GBE1: variants seen among roughly 807,000 people sequenced by gnomAD.
The protein encoded by GBE1 is 1,4-alpha-glucan branching enzyme 1.
A neutral mutation model predicts 88.8 loss-of-function variants in GBE1; 70 were observed. The ratio of observed to expected loss-of-function variants is 0.79; its 90% CI spans 0.65 to 0.96. GBE1 has a LOEUF of 0.96. Ranked by LOEUF, GBE1 falls within the 40% of genes least tolerant of loss-of-function variation. The pLI is 0.00. For missense variants in GBE1, 872 were observed against 871.0 expected, an observed-to-expected ratio of 1.00 and a Z score of -0.01; for synonymous variants, 284 against 300.1, an observed-to-expected ratio of 0.95 and a Z score of 0.56.
intron 3 of GBE1, among the ~76,000 whole-genome samples, chr3:81,665,980 C>G (rs1364300990): frequency 8.9e-6 from 1 of 112,440 alleles, no homozygotes; most frequent in African/African-American, 4.4e-5. Flanking sequence ...CATTTTATTT[C>G]TTTTTATAGT....
intron 2 of GBE1, among the ~76,000 whole-genome samples, chr3:81,686,013 A>G (rs1705432820): frequency 6.6e-6 from 1 of 152,076 alleles, no homozygotes; most frequent in Admixed American, 6.6e-5. Context: ...AGTGGCATGC[A>G]TTTTCACTGG....
intron 12 of GBE1, among the ~76,000 whole-genome samples, chr3:81,577,038 C>G (rs1703657530): frequency 6.6e-6 from 1 of 152,036 alleles, no homozygotes; most frequent in African/African-American, 2.4e-5. Flanking sequence ...CTCCTGGGCT[C>G]AAACAGTCCC....
intron 7 of GBE1, among the ~76,000 whole-genome samples, chr3:81,625,639 G>C (rs576445746): frequency 4.6e-5 from 7 of 151,998 alleles, no homozygotes; most frequent in African/African-American, 1.7e-4. Flanking sequence ...AAAGGGTTTC[G>C]CTATGTTACC....
chr3:81,565,938 A>C (rs1703488903), intron 12 of GBE1, among the ~76,000 whole-genome samples: 1 of 152,202 alleles, frequency 6.6e-6, no homozygotes, highest in Non-Finnish European at 1.5e-5. Context: ...AATATAAGAA[A>C]GGCAGAAAGG....
chr3:81,654,079 C>A (rs1016938094), intron 3 of GBE1, among the ~76,000 whole-genome samples: 1 of 151,812 alleles, frequency 6.6e-6, no homozygotes, highest in Non-Finnish European at 1.5e-5. Flanking sequence ...GAAAATAATA[C>A]CATAATAATA....
At chr3:81,544,033 T>G (rs1261116090) in intron 12 of GBE1, among the ~76,000 whole-genome samples, 2 of 152,174 alleles carry the variant, frequency 1.3e-5, no homozygotes, top group Admixed American at 1.3e-4. Flanking sequence ...ACATGCATTT[T>G]TCAGAGGAGA....
In GBE1 at chr3:81,643,196, G is replaced by A. The variant is rs531030917; in HGVS notation, c.783-206C>T. ...ATCAAGTTAGAAAATAATTTAAATC[G>A]GGTTATTAAATGTAGATTTATACCC... On this transcript the variant is annotated intron_variant, in intron 6 of 15. Transcript: ENST00000429644. Among the ~76,000 whole-genome samples, 10 of 151,754 alleles carry A rather than the reference G, an allele frequency of 6.6e-5. No homozygotes were observed. The South Asian group carries it at 1.7e-3, about 25-fold the overall frequency.
chr3:81,523,063 C>G (rs1702895511), intron 14 of GBE1, among the ~76,000 whole-genome samples: 1 of 151,138 alleles, frequency 6.6e-6, no homozygotes, highest in Non-Finnish European at 1.5e-5. Context: ...AAAACCGAAC[C>G]AGGCTTTCAT....
intron 7 of GBE1, among the ~76,000 whole-genome samples, chr3:81,615,982 C>T (rs1233024757): frequency 1.3e-5 from 2 of 152,100 alleles, no homozygotes; most frequent in Non-Finnish European, 2.9e-5. Flanking sequence ...GTAGTGATAT[C>T]TCATTGTAGT....
At chr3:81,619,267 A>C (rs1704292491) in intron 7 of GBE1, among the ~76,000 whole-genome samples, 1 of 152,132 alleles carries the variant, frequency 6.6e-6, no homozygotes, top group Non-Finnish European at 1.5e-5. Flanking sequence ...GTCTTTATGA[A>C]CTTGATCCAA....
At chr3:81,679,510 C>A (rs566063451) in intron 2 of GBE1, among the ~76,000 whole-genome samples, 1 of 152,150 alleles carries the variant, frequency 6.6e-6, no homozygotes, top group East Asian at 1.9e-4. Context: ...TTCAGTGCAT[C>A]TAGAATTGTA....
intron 3 of GBE1, among the ~76,000 whole-genome samples, chr3:81,670,230 T>C (rs1199295423): frequency 6.6e-6 from 1 of 152,146 alleles, no homozygotes; most frequent in Admixed American, 6.6e-5. Context: ...CTGCAGACCT[T>C]GAATGCAAAA....
intron 1 of GBE1, among the ~76,000 whole-genome samples, chr3:81,727,388 A>G (rs1217172860): frequency 6.6e-6 from 1 of 152,228 alleles, no homozygotes; most frequent in African/African-American, 2.4e-5. Flanking sequence ...CCTACAGATG[A>G]GAATTTGACC....
chr3:81,519,613 T>G (rs191793248), intron 14 of GBE1, among the ~76,000 whole-genome samples: 235 of 151,454 alleles, frequency 1.6e-3, no homozygotes, highest in Non-Finnish European at 2.7e-3. Context: ...TTGTATATCA[T>G]GTATTAACTT....
Position 81,490,352 on chromosome 3 carries a change from A to G in GBE1, c.*55T>C. On this transcript the variant is annotated 3_prime_UTR_variant, in exon 16 of 16. Transcript: ENST00000429644. ...ACATGTTATAAGCTGTGTGACAGTG[A>G]TAACAAGAAAACAAAACACAAATCT... 2 of 1,378,298 alleles carry G rather than the reference A, an allele frequency of 1.5e-6. No individual in the cohort carries two copies. Among genetic ancestry groups the G allele is most frequent in the South Asian group, 2.3e-5 (2 of 86,172 alleles). 85.4% of individuals were successfully genotyped at this position (1,378,298 alleles called of 1,614,324 possible).
At chr3:81,749,056 T>C (rs576539183) in intron 1 of GBE1, among the ~76,000 whole-genome samples, 2 of 151,578 alleles carry the variant, frequency 1.3e-5, no homozygotes, top group Admixed American at 1.3e-4. Flanking sequence ...TGGAAATTCC[T>C]TATAAAACAA....
At chr3:81,690,949 T>C (rs1046352289) in intron 2 of GBE1, among the ~76,000 whole-genome samples, 1 of 152,034 alleles carries the variant, frequency 6.6e-6, no homozygotes, top group Non-Finnish European at 1.5e-5. Context: ...ACAGTGAACA[T>C]ACTAGATTTT....
At chr3:81,701,143 C>G (rs1193396257) in intron 2 of GBE1, among the ~76,000 whole-genome samples, 2 of 152,224 alleles carry the variant, frequency 1.3e-5, no homozygotes, top group Non-Finnish European at 1.5e-5. Context: ...AGAAATTCAT[C>G]TCAGCCCTTT....
intron 5 of GBE1, 29 bp downstream of exon 5, chr3:81,648,827 T>C: frequency 7.4e-7 from 1 of 1,353,694 alleles, no homozygotes; most frequent in Non-Finnish European, 9.9e-7. Context: ...TAAAATTTTA[T>C]CTGAATAAAA....
Sources: allele counts gnomAD v4.1 joint callset (sites outside exome capture counted in the v4.1 genomes callset), GRCh38; gene constraint gnomAD v4.1.1; transcripts MANE v1.5; gene names NCBI Gene and HGNC (gene_info 2026-07-23, HGNC 2026-07-21).